Variants in ADCY7 observed in about 807,000 individuals in gnomAD.
The protein encoded by ADCY7 is adenylate cyclase type 7.
ADCY7 carries 72 observed loss-of-function variants against 120.6 expected under a neutral mutation model. The ratio of observed to expected loss-of-function variants is 0.60; its 90% confidence interval spans 0.49 to 0.73. The LOEUF (loss-of-function observed/expected upper bound fraction) is 0.73, where lower values mean the gene tolerates loss of function less well. Among genes scored for constraint, ADCY7 ranks in the 30% least tolerant of loss-of-function variants. The pLI is 0.00. For synonymous variants in ADCY7, 661 were observed against 628.0 expected (o/e 1.05, Z -0.78); for missense variants, 1,227 against 1,486.0 (o/e 0.83, Z 2.87).
intron 1 of ADCY7, among the ~76,000 whole-genome samples, chr16:50,276,559 G>A (rs550849874): frequency 6.6e-6 from 1 of 152,352 alleles, no homozygotes; most frequent in African/African-American, 2.4e-5. Flanking sequence ...GGCACAGAGA[G>A]TCTGTTGGGT....
Position 50,312,904 on chromosome 16 carries a change from G to A in ADCY7, c.2619G>A (p.Gln873=). The A allele has an allele frequency of 6.2e-7, 1 of 1,614,182 alleles. No homozygotes were observed. The highest frequency in any genetic ancestry group is 8.5e-7 in the Non-Finnish European group (1 of 1,180,022). ...TTCCCATCCAGGACTGGTACCATCA[G>A]TCCTATGACTGCGTCTGTGTCATGT... ...GDKLNEDWYH[Q]SYDCVCVMFA... Residue 873 remains glutamine, a synonymous_variant, in exon 22 of 26, where the codon CAG becomes CAA. Transcript: ENST00000673801.
At chr16:50,255,354 G>A (rs2032881610) in intron 1 of ADCY7, among the ~76,000 whole-genome samples, 1 of 130,290 alleles carries the variant, frequency 7.7e-6, no homozygotes, top group Admixed American at 8.8e-5. Flanking sequence ...AAAGTGCTGG[G>A]ATTACAGGCA....
At chr16:50,245,195 T>C (rs2032543183), upstream of ADCY7, among the ~76,000 whole-genome samples, 1 of 152,152 alleles carries the variant, frequency 6.6e-6, no homozygotes, top group Non-Finnish European at 1.5e-5. Context: ...TGTCATAGAT[T>C]TCCTCCGTGC....
chr16:50,299,140 G>T, intron 8 of ADCY7, 109 bp downstream of exon 8: 1 of 1,391,142 alleles, frequency 7.2e-7, no homozygotes, highest in Non-Finnish European at 9.5e-7. Context: ...CTGAGGCTCG[G>T]GGGGTTGGGG....
intron 1 of ADCY7, among the ~76,000 whole-genome samples, chr16:50,261,541 T>C (rs2150801589): frequency 1.3e-5 from 2 of 152,268 alleles, no homozygotes; most frequent in South Asian, 4.1e-4. Context: ...CCTAGGGATT[T>C]AGGGTTTAGA....
At position 50,317,366 on chromosome 16, in the gene ADCY7, T is replaced by G. The variant is rs2036850602; in HGVS notation, c.*1861T>G. On this transcript the variant is annotated 3_prime_UTR_variant, in exon 26 of 26. Coordinates refer to ENST00000673801, the MANE Select transcript of ADCY7 (RefSeq NM_001114.5). ...TATACTGAAATCTGTGCTCTCAAGA[T>G]CTAGCAGTGACCAGGGCTGCCCGGC... 1 of 150,348 alleles carries G rather than the reference T, an allele frequency of 6.7e-6. No homozygotes were observed. The highest frequency in any genetic ancestry group is 1.5e-5 in the Non-Finnish European group (1 of 68,032). The allele number at this position is 150,348 out of a possible 1,614,324, so 9.3% of individuals were successfully genotyped here.
chr16:50,300,974 G>A, intron 9 of ADCY7, 101 bp downstream of exon 9: 4 of 1,533,708 alleles, frequency 2.6e-6, no homozygotes, highest in Non-Finnish European at 3.5e-6. Context: ...AGGGAGAGAT[G>A]AATGTAGAAA....
intron 1 of ADCY7, among the ~76,000 whole-genome samples, chr16:50,284,846 T>G (rs748559099): frequency 1.3e-5 from 2 of 152,240 alleles, no homozygotes; most frequent in African/African-American, 4.8e-5. Context: ...TGTGAGACGG[T>G]GGTGCCACCT....
chr16:50,305,974 C>T (rs2036039235), intron 14 of ADCY7, 125 bp downstream of exon 14: 1 of 921,850 alleles, frequency 1.1e-6, no homozygotes, highest in Non-Finnish European at 1.7e-6. Flanking sequence ...CACTGAGAAT[C>T]CACAGCTGCT....
chr16:50,314,245 T>C (rs374314131), intron 23 of ADCY7, 47 bp from the exon 24 acceptor site: 12 of 1,564,722 alleles, frequency 7.7e-6, no homozygotes, highest in African/African-American at 2.7e-5. Context: ...CCACTAGGTC[T>C]GGGGGCTCTG....
chr16:50,305,644 C>T lies in ADCY7; in HGVS notation c.1679+58C>T. On this transcript the variant is annotated intron_variant, in intron 13 of 25. Transcript: ENST00000673801. ...CCTCTCCCCCTCGGATAGGGGTCCCCTATATGGGCAGGCCCATCTCATACC... is the reference window on the plus strand; with the variant it reads ...CCTCTCCCCCTCGGATAGGGGTCCCTTATATGGGCAGGCCCATCTCATACC... 5.8e-6 allele frequency: 9 copies of T among 1,539,772 alleles called. No homozygotes were observed. The South Asian group carries it at 8.1e-5, about 14-fold the overall frequency.
At position 50,290,518 on chromosome 16, in the gene ADCY7, C is replaced by T. The variant is rs1567553110; in HGVS notation, c.233C>T (p.Ala78Val). 3.1e-6 allele frequency: 5 copies of T among 1,614,234 alleles called. No homozygotes were observed. Among genetic ancestry groups the T allele is most frequent in the Non-Finnish European group, 4.2e-6 (5 of 1,180,048 alleles). Residue 78 changes from alanine (A) to valine (V), a missense_variant, in exon 3 of 26, where the codon GCC becomes GTC. Ala to Val is a moderately conservative substitution (Grantham distance 64). Coordinates refer to ENST00000673801, the MANE Select transcript of ADCY7 (RefSeq NM_001114.5). ...TTCCTGGTGCTGGCGGTGTTTGCGG[C>T]CCTCTCTGTGCTGATGTACGTCGAG... ...MAFLVLAVFAALSVLMYVECL... is the reference protein window; with the variant it reads ...MAFLVLAVFAVLSVLMYVECL...
At chr16:50,286,340 G>A (rs2034576242) in intron 1 of ADCY7, among the ~76,000 whole-genome samples, 1 of 146,262 alleles carries the variant, frequency 6.8e-6, no homozygotes, top group Non-Finnish European at 1.5e-5. Context: ...GAGGTGGGAG[G>A]ATTGCCTGAG....
In ADCY7 at chr16:50,312,943, G is replaced by T. The variant is rs751982589; in HGVS notation, c.2658G>T (p.Pro886=). The T allele has an allele frequency of 3.7e-6, 6 of 1,614,048 alleles. No homozygotes were observed. In the African/African-American group the frequency reaches 5.3e-5, roughly 14 times the overall value. ...DCVCVMFASV[P]DFKVFYTECD... The stretch of plus-strand genomic sequence containing the variant: ...TCTGTGTCATGTTTGCCTCCGTGCC[G>T]GACTTCAAAGTGTTCTACACAGAGT... The change falls in exon 22 of 26, where the codon CCG becomes CCT. Residue 886 remains proline, a synonymous_variant. Coordinates refer to ENST00000673801, the MANE Select transcript of ADCY7 (RefSeq NM_001114.5).
In ADCY7 at chr16:50,310,901, G is replaced by GTCCCCA. The variant is rs368448094; in HGVS notation, c.2354+29_2354+34dup. 1.1e-3 allele frequency: 1,770 copies of GTCCCCA among 1,560,458 alleles called. 24 individuals carry two copies. In the African/African-American group the frequency reaches 0.02, roughly 18 times the overall value. The stretch of plus-strand genomic sequence containing the variant: ...ACCAGGTGGGGTCCCGCCCGTCCCC[G>GTCCCCA]TCCCCATCCCCATGGTGGCCTGTTC... On this transcript the variant is annotated intron_variant, in intron 19 of 25. Coordinates refer to ENST00000673801, the MANE Select transcript of ADCY7 (RefSeq NM_001114.5).
chr16:50,259,544 C>T (rs996951407), intron 1 of ADCY7, among the ~76,000 whole-genome samples: 3 of 152,196 alleles, frequency 2.0e-5, no homozygotes, highest in African/African-American at 4.8e-5. Context: ...TCCAAAGCCC[C>T]GTCTCCCAGG....
intron 24 of ADCY7, 23 bp from the exon 25 acceptor site, chr16:50,314,991 G>A: frequency 6.2e-7 from 1 of 1,613,620 alleles, no homozygotes; most frequent in Non-Finnish European, 8.5e-7. Context: ...GCACGCTTGG[G>A]TAACTGTAAA....
chr16:50,261,620 G>T (rs1336162500), upstream of ADCY7, among the ~76,000 whole-genome samples: 5 of 152,182 alleles, frequency 3.3e-5, no homozygotes, highest in Admixed American at 2.6e-4. Context: ...TGCCTTGTCG[G>T]CATTTCTCAC....
chr16:50,278,617 T>A (rs1479504664), intron 1 of ADCY7, among the ~76,000 whole-genome samples: 1 of 152,234 alleles, frequency 6.6e-6, no homozygotes, highest in African/African-American at 2.4e-5. Flanking sequence ...GGGTTTTGTG[T>A]CAGGATAAAA....
Sources: gnomAD v4.1 joint callset for allele counts (sites outside exome capture counted in the v4.1 genomes callset) on GRCh38, gnomAD v4.1.1 for gene constraint, MANE v1.5 for transcripts, NCBI Gene and HGNC (gene_info 2026-07-23, HGNC 2026-07-21) for gene names.